Variants in ITPR1 observed in about 807,000 individuals in gnomAD.
The protein encoded by ITPR1 is inositol 1,4,5-trisphosphate receptor type 1, also known as inositol 1,4,5-trisphosphate-gated calcium channel ITPR1.
ITPR1 carries 96 observed loss-of-function variants against 318.4 expected under a neutral mutation model. The ratio of observed to expected loss-of-function variants is 0.30; its 90% CI spans 0.26 to 0.36. The LOEUF (loss-of-function observed/expected upper bound fraction) is 0.36, where lower values mean the gene tolerates loss of function less well. Among genes scored for constraint, ITPR1 ranks in the 10% least tolerant of loss-of-function variants. ITPR1 has a pLI of 1.00. For synonymous variants in ITPR1, 1,312 were observed against 1,289.9 expected (o/e 1.02, Z -0.37); for missense variants, 2,440 against 3,460.2 (o/e 0.71, Z 7.40).
intron 39 of ITPR1, among the ~76,000 whole-genome samples, chr3:4,712,425 C>T (rs765238788): frequency 9.2e-5 from 14 of 152,248 alleles, no homozygotes; most frequent in African/African-American, 3.4e-4. Context: ...CCATTCCTTA[C>T]ACCTCTGATG....
chr3:4,567,640 C>T (rs923600600), intron 4 of ITPR1, among the ~76,000 whole-genome samples: 2 of 151,906 alleles, frequency 1.3e-5, no homozygotes, highest in Admixed American at 6.6e-5. Flanking sequence ...GGGTCTTACT[C>T]TGCCACCCAG....
intron 44 of ITPR1, among the ~76,000 whole-genome samples, chr3:4,759,694 G>A (rs374452260): frequency 4.6e-5 from 7 of 152,302 alleles, no homozygotes; most frequent in Non-Finnish European, 7.3e-5. Context: ...ATCTAGCGGC[G>A]TCTTTATCCT....
At position 4,602,528 on chromosome 3, in the gene ITPR1, GAAAAAA is replaced by G. The variant is rs59656214; in HGVS notation, c.164-25219_164-25214del. ...GGGTAATGGGAGTGAGACCCTCTCA[GAAAAAA>G]AAAAAAAAAAAAAAACTTGTACATA... On this transcript the variant is annotated intron_variant, in intron 4 of 61. Coordinates refer to ENST00000649015, the MANE Select transcript of ITPR1 (RefSeq NM_001378452.1). 1.7e-3 allele frequency among the ~76,000 whole-genome samples: 186 copies of G among 106,824 alleles called. 1 individual carries two copies. Among genetic ancestry groups the G allele is most frequent in the African/African-American group, 5.8e-3 (162 of 28,004 alleles). The allele number at this position is 106,824 out of a possible 152,430, so 70.1% of individuals were successfully genotyped here.
At chr3:4,671,158 G>T (rs2094070693) in intron 20 of ITPR1, among the ~76,000 whole-genome samples, 1 of 152,186 alleles carries the variant, frequency 6.6e-6, no homozygotes. Context: ...AGTCCCTGGT[G>T]ATAGTTTATC....
chr3:4,821,018 C>A (rs1376460208), intron 60 of ITPR1, among the ~76,000 whole-genome samples: 1 of 152,198 alleles, frequency 6.6e-6, no homozygotes, highest in Admixed American at 6.5e-5. Flanking sequence ...CCCCCACCAG[C>A]CTCCCCACTG....
At chr3:4,589,073 C>T (rs543751114) in intron 4 of ITPR1, among the ~76,000 whole-genome samples, 1 of 152,206 alleles carries the variant, frequency 6.6e-6, no homozygotes, top group South Asian at 2.1e-4. Context: ...CCTGTGCTCC[C>T]AGCTACTTGG....
At chr3:4,601,967 A>G (rs1356772090) in intron 4 of ITPR1, among the ~76,000 whole-genome samples, 1 of 152,258 alleles carries the variant, frequency 6.6e-6, no homozygotes, top group Non-Finnish European at 1.5e-5. Context: ...AGCATTAGTC[A>G]TTAGGGAAAT....
chr3:4,627,500 A>G (rs1382046632), intron 4 of ITPR1, among the ~76,000 whole-genome samples: 1 of 152,122 alleles, frequency 6.6e-6, no homozygotes, highest in East Asian at 1.9e-4. Flanking sequence ...AACAAAAAAA[A>G]CACAAAACAC....
intron 40 of ITPR1, chr3:4,724,387 C>T (rs777071260): frequency 2.0e-5 from 3 of 152,238 alleles, no homozygotes; most frequent in African/African-American, 4.8e-5. Flanking sequence ...TTGAGCTGGA[C>T]GAAGACACCA....
intron 4 of ITPR1, among the ~76,000 whole-genome samples, chr3:4,578,894 A>G (rs1038259882): frequency 1.3e-5 from 2 of 152,320 alleles, no homozygotes; most frequent in Admixed American, 6.5e-5. Flanking sequence ...TCACGTTGTC[A>G]TTGAGAGAGG....
At chr3:4,841,579 G>T (rs1240644777) in intron 61 of ITPR1, among the ~76,000 whole-genome samples, 1 of 152,202 alleles carries the variant, frequency 6.6e-6, no homozygotes, top group Non-Finnish European at 1.5e-5. Flanking sequence ...TCTAGAGTGG[G>T]AAACAAGTAA....
chr3:4,579,836 C>G lies in ITPR1; in HGVS notation c.164-47927C>G, dbSNP rs111549916. Among the ~76,000 whole-genome samples, 698 of 152,184 alleles carry G rather than the reference C, an allele frequency of 4.6e-3. 6 individuals carry two copies. The highest frequency in any genetic ancestry group is 0.016 in the African/African-American group (657 of 41,524). ...ATTGCATTTTCTTTATAGTTCCATC[C>G]CCCAAAGATTCCAGGCATATTATAT... On this transcript the variant is annotated intron_variant, in intron 4 of 61. Coordinates refer to ENST00000649015, the MANE Select transcript of ITPR1 (RefSeq NM_001378452.1).
intron 4 of ITPR1, among the ~76,000 whole-genome samples, chr3:4,561,268 C>A (rs574827325): frequency 1.3e-5 from 2 of 152,314 alleles, no homozygotes; most frequent in East Asian, 3.9e-4. Context: ...ACAAGTGCAG[C>A]AGCTGCCCTA....
chr3:4,505,020 A>T (rs2081300623), intron 2 of ITPR1, among the ~76,000 whole-genome samples: 1 of 151,108 alleles, frequency 6.6e-6, no homozygotes, highest in Admixed American at 6.6e-5. Context: ...CCCATCGTTA[A>T]CCTGCCCTGC....
chr3:4,672,376 C>G (rs946825519), intron 20 of ITPR1, among the ~76,000 whole-genome samples: 2 of 152,256 alleles, frequency 1.3e-5, no homozygotes, highest in African/African-American at 2.4e-5. Flanking sequence ...CTTGCATTTC[C>G]CCGACATCTA....
chr3:4,770,442 G>T (rs2046114274), intron 46 of ITPR1, among the ~76,000 whole-genome samples: 1 of 152,206 alleles, frequency 6.6e-6, no homozygotes, highest in African/African-American at 2.4e-5. Flanking sequence ...AAGCATCTGA[G>T]ATCTGAGGTC....
chr3:4,675,732 A>T (rs912961561), intron 23 of ITPR1, among the ~76,000 whole-genome samples: 3 of 152,212 alleles, frequency 2.0e-5, no homozygotes, highest in Admixed American at 2.0e-4. Context: ...CTGCCTTTGC[A>T]TGTTTATTTC....
chr3:4,844,329 GC>G (rs2051594888), intron 61 of ITPR1, among the ~76,000 whole-genome samples: 1 of 151,974 alleles, frequency 6.6e-6, no homozygotes, highest in African/African-American at 2.4e-5. Context: ...TTGCTACGTT[GC>G]CCAGGCTGGT....
In ITPR1 at chr3:4,814,589, G is replaced by A. The variant is rs773675340; in HGVS notation, c.7701+27G>A. ...TAAATTAATCCCGAGGGGAAGGAAG[G>A]GCAAAGGGGGCGGGTGGGGTGGTTG... On this transcript the variant is annotated intron_variant, in intron 58 of 61. Transcript: ENST00000649015. 3 of 1,154,012 alleles carry A rather than the reference G, an allele frequency of 2.6e-6. No homozygotes were observed. The Admixed American group carries it at 5.4e-5, about 21-fold the overall frequency. The allele number at this position is 1,154,012 out of a possible 1,614,324, so 71.5% of individuals were successfully genotyped here.
Sources: gnomAD v4.1 joint callset for allele counts (sites outside exome capture counted in the v4.1 genomes callset) on GRCh38, gnomAD v4.1.1 for gene constraint, MANE v1.5 for transcripts, NCBI Gene and HGNC (gene_info 2026-07-23, HGNC 2026-07-21) for gene names.